The following MED16 variants were observed in gnomAD, a reference collection of about 807,000 sequenced individuals.
MED16 encodes the protein mediator of RNA polymerase II transcription subunit 16.
In MED16, 81 loss-of-function variants were observed where a neutral mutation model predicts 84.4. That is an observed-to-expected ratio of 0.96 (90% CI 0.80 to 1.15). MED16 has a LOEUF of 1.15. Ranked by LOEUF, MED16 falls within the 50% of genes most tolerant of loss-of-function variation. MED16 has a pLI of 0.00. For synonymous variants in MED16, 897 were observed against 552.2 expected (o/e 1.62, Z -8.76); for missense variants, 1,585 against 1,245.9 (o/e 1.27, Z -4.10).
At chr19:891,531 C>A (rs528462911) in intron 1 of MED16, among the ~76,000 whole-genome samples, 179 of 152,294 alleles carry the variant, frequency 1.2e-3, no homozygotes, top group African/African-American at 3.8e-3. Flanking sequence ...TAGCTCTCTC[C>A]CGAAGGAAGA....
chr19:887,323 GTC>G (rs1476350062), intron 4 of MED16, among the ~76,000 whole-genome samples: 1 of 152,154 alleles, frequency 6.6e-6, no homozygotes, highest in Non-Finnish European at 1.5e-5. Context: ...AGGCTGGCAT[GTC>G]TGAGACTATG....
chr19:880,738 C>T (rs1405484269), intron 7 of MED16, among the ~76,000 whole-genome samples: 2 of 151,866 alleles, frequency 1.3e-5, no homozygotes, highest in African/African-American at 2.4e-5. Context: ...TGGGCAACAC[C>T]GGTGAAACCC....
intron 6 of MED16, among the ~76,000 whole-genome samples, chr19:884,022 A>C (rs2036474882): frequency 6.6e-6 from 1 of 151,798 alleles, no homozygotes; most frequent in South Asian, 2.1e-4. Flanking sequence ...TGACATAACC[A>C]CCTGCAGGCC....
chr19:877,324 C>T, intron 8 of MED16, 144 bp from the exon 9 acceptor site: 1 of 731,298 alleles, frequency 1.4e-6, no homozygotes, highest in Non-Finnish European at 2.2e-6. Context: ...GCGCATGTGT[C>T]TGTAGCGTCT....
intron 1 of MED16, 148 bp downstream of exon 1, chr19:892,934 CCGCG>C (rs1218554757): frequency 6.8e-6 from 1 of 146,186 alleles, no homozygotes; most frequent in African/African-American, 2.5e-5. Flanking sequence ...GCCCCGCGCC[CCGCG>C]CCCCAGGCCG....
rs771325640 is a variant in MED16 at position 880,166 on chromosome 19, T to C, written c.1142-18A>G. The C allele has an allele frequency of 1.3e-6, 2 of 1,598,798 alleles. No homozygotes were observed. The highest frequency in any genetic ancestry group is 4.5e-5 in the East Asian group (2 of 44,490). On this transcript the variant is annotated intron_variant, in intron 7 of 15. Coordinates refer to ENST00000325464, the MANE Select transcript of MED16 (RefSeq NM_005481.3). ...GGCCAGCCCTGTGGGGCACAGGCAC[T>C]GCTTAGACATGGGCAGGGCCCAGGA...
chr19:887,198 C>T (rs1458021131), intron 4 of MED16, among the ~76,000 whole-genome samples: 3 of 151,910 alleles, frequency 2.0e-5, no homozygotes, highest in Admixed American at 1.3e-4. Flanking sequence ...AAAAAAAACA[C>T]TTCTTATAGC....
At chr19:878,591 A>G (rs1387509020) in intron 8 of MED16, among the ~76,000 whole-genome samples, 1 of 46,794 alleles carries the variant, frequency 2.1e-5, no homozygotes, top group Non-Finnish European at 3.9e-5. Context: ...CCAGCAGCTC[A>G]CCTTCCCGTG....
chr19:868,189 G>T lies in MED16; in HGVS notation c.2546C>A (p.Ala849Asp). Residue 849 changes from alanine to aspartate, a missense_variant, in exon 16 of 16, where the codon GCC becomes GAC. Coordinates refer to ENST00000325464, the MANE Select transcript of MED16 (RefSeq NM_005481.3). ...GGACTGCGGGCCCAGCTGGACAAAG[G>T]CAGGGGCTTCCTCAGAAGCTCTGCT... ...VTSRASEEAP[A>D]FVQLGPQSTH... 1.2e-6 allele frequency: 2 copies of T among 1,608,336 alleles called. No homozygotes were observed. Among genetic ancestry groups the T allele is most frequent in the Admixed American group, 3.4e-5 (2 of 59,212 alleles).
At chr19:880,435 C>G (rs1486187354) in intron 7 of MED16, among the ~76,000 whole-genome samples, 2 of 152,202 alleles carry the variant, frequency 1.3e-5, no homozygotes, top group Non-Finnish European at 2.9e-5. Flanking sequence ...TCAAGGAGCG[C>G]AGGGGAGGGG....
chr19:876,910 C>T (rs112523035), intron 9 of MED16, 64 bp downstream of exon 9: 250,015 of 1,417,696 alleles, frequency 0.18, 24,141 homozygotes, highest in African/African-American at 0.32. Context: ...CCACCTGCCA[C>T]GGGGCCCCCA....
At chr19:875,212 C>A in intron 10 of MED16, 32 bp downstream of exon 10, 1 of 1,424,386 alleles carries the variant, frequency 7.0e-7, no homozygotes, top group Non-Finnish European at 9.5e-7. Context: ...ATGAAAGAAA[C>A]CTCGAGGCCC....
intron 9 of MED16, among the ~76,000 whole-genome samples, chr19:876,496 G>A (rs2036233004): frequency 6.6e-6 from 1 of 152,106 alleles, no homozygotes; most frequent in South Asian, 2.1e-4. Flanking sequence ...ACTGGAGAGG[G>A]GAGCCGTCCA....
chr19:879,166 C>T (rs975678635), intron 8 of MED16, among the ~76,000 whole-genome samples: 6 of 149,960 alleles, frequency 4.0e-5, no homozygotes, highest in South Asian at 2.1e-4. Flanking sequence ...CCCAGCAGCT[C>T]GCCTTCCCCT....
At chr19:884,549 G>A (rs1319403523) in intron 6 of MED16, among the ~76,000 whole-genome samples, 3 of 152,028 alleles carry the variant, frequency 2.0e-5, no homozygotes, top group Admixed American at 6.6e-5. Context: ...CCTGCTGCCC[G>A]ACGGCCCCAC....
In MED16 at chr19:870,922, C is replaced by T. The variant is rs558944401; in HGVS notation, c.2315+115G>A. ...ATGGAGGCGGGGAGCCGTGTGGATT[C>T]GGGGGGACCTGGGGCAGGACATGCA... On this transcript the variant is annotated intron_variant, in intron 13 of 15. Transcript: ENST00000325464. 1,746 of 948,884 alleles carry T rather than the reference C, an allele frequency of 1.8e-3. 3 individuals carry two copies. The highest frequency in any genetic ancestry group is 2.3e-3 in the Admixed American group (69 of 30,122). 58.8% of individuals were successfully genotyped at this position (948,884 alleles called of 1,614,324 possible).
intron 12 of MED16, chr19:871,590 G>A (rs573901658): frequency 7.5e-6 from 12 of 1,595,902 alleles, no homozygotes; most frequent in East Asian, 4.5e-5. Context: ...GACAAGGAGA[G>A]ACAGCAAACA....
intron 9 of MED16, 74 bp from the exon 10 acceptor site, chr19:875,528 A>C (rs2036211105): frequency 7.9e-7 from 1 of 1,267,356 alleles, no homozygotes; most frequent in Non-Finnish European, 1.1e-6. Context: ...TGAGGAGAAG[A>C]GCAGTTCGAC....
chr19:889,878 C>A (rs928011232), intron 3 of MED16, 71 bp from the exon 4 acceptor site: 17 of 1,500,390 alleles, frequency 1.1e-5, no homozygotes, highest in Non-Finnish European at 1.5e-5. Flanking sequence ...GACGGCACAG[C>A]GCCTGGGGGA....
Sources: gnomAD v4.1 joint callset for allele counts (sites outside exome capture counted in the v4.1 genomes callset) on GRCh38, gnomAD v4.1.1 for gene constraint, MANE v1.5 for transcripts, NCBI Gene and HGNC (gene_info 2026-07-23, HGNC 2026-07-21) for gene names.